Variants in ARHGAP18 observed in about 807,000 individuals in gnomAD.
The protein encoded by ARHGAP18 is rho GTPase-activating protein 18.
Under a neutral mutation model 86.2 loss-of-function variants are expected in ARHGAP18, and 67 were observed. The ratio of observed to expected loss-of-function variants is 0.78; its 90% CI spans 0.64 to 0.95. The LOEUF is 0.95. ARHGAP18 is among the 40% of genes least tolerant of loss of function. The probability of loss-of-function intolerance (pLI) is 0.00; values close to 1 mark genes in which losing one functional copy is unlikely to be tolerated. For synonymous variants in ARHGAP18, 283 were observed against 280.4 expected (o/e 1.01, Z -0.09); for missense variants, 691 against 780.4 (o/e 0.89, Z 1.37).
At chr6:129,608,143 C>A in intron 8 of ARHGAP18, 91 bp from the exon 9 acceptor site, 11 of 1,349,402 alleles carry the variant, frequency 8.2e-6, no homozygotes, top group African/African-American at 3.1e-5. Flanking sequence ...TTTTCACTTT[C>A]AAGAGACTCT....
chr6:129,654,746 T>C (rs1773791553), intron 1 of ARHGAP18, among the ~76,000 whole-genome samples: 1 of 152,174 alleles, frequency 6.6e-6, no homozygotes, highest in East Asian at 1.9e-4. Context: ...TCCTCTACTT[T>C]TCCCATCGCT....
Position 129,578,456 on chromosome 6 carries a change from G to A in ARHGAP18, c.*57C>T. On this transcript the variant is annotated 3_prime_UTR_variant, in exon 15 of 15. Coordinates refer to ENST00000368149, the MANE Select transcript of ARHGAP18 (RefSeq NM_033515.3). Reference sequence around the variant, plus strand: ...TGCCATTTCTTTTATTTACACTCTTGACTCAGCAAGAATTATGACAGAAGT... The same window carrying A: ...TGCCATTTCTTTTATTTACACTCTTAACTCAGCAAGAATTATGACAGAAGT... The A allele has an allele frequency of 1.4e-6, 2 of 1,396,024 alleles. No individual in the cohort carries two copies. Among genetic ancestry groups the A allele is most frequent in the Non-Finnish European group, 1.0e-6 (1 of 992,242 alleles). 86.5% of individuals were successfully genotyped at this position (1,396,024 alleles called of 1,614,324 possible).
intron 1 of ARHGAP18, among the ~76,000 whole-genome samples, chr6:129,652,487 G>A (rs1161592247): frequency 6.6e-6 from 1 of 152,144 alleles, no homozygotes; most frequent in Admixed American, 6.5e-5. Context: ...AGATTCACTA[G>A]TGAAGATTAA....
chr6:129,709,545 A>G (rs916450495), intron 1 of ARHGAP18, among the ~76,000 whole-genome samples: 3 of 152,176 alleles, frequency 2.0e-5, no homozygotes, highest in Non-Finnish European at 2.9e-5. Flanking sequence ...TTTGCCTAAG[A>G]GGTTTGCTTT....
At chr6:129,608,443 T>C (rs929309577) in intron 8 of ARHGAP18, among the ~76,000 whole-genome samples, 2 of 152,172 alleles carry the variant, frequency 1.3e-5, no homozygotes, top group African/African-American at 4.8e-5. Flanking sequence ...GTATATGTTT[T>C]AAATTTAGAA....
chr6:129,670,632 C>G (rs1001432941), intron 1 of ARHGAP18, among the ~76,000 whole-genome samples: 44 of 151,832 alleles, frequency 2.9e-4, no homozygotes, highest in African/African-American at 9.7e-4. Context: ...ATACCACCTA[C>G]TTCGCATCAA....
intron 1 of ARHGAP18, among the ~76,000 whole-genome samples, chr6:129,673,859 A>G (rs1295434898): frequency 2.0e-5 from 3 of 152,176 alleles, no homozygotes; most frequent in African/African-American, 7.2e-5. Context: ...AAGTAGATAT[A>G]TTATCTCAAA....
intron 1 of ARHGAP18, among the ~76,000 whole-genome samples, chr6:129,658,893 C>T (rs1773894316): frequency 1.3e-5 from 2 of 152,120 alleles, no homozygotes; most frequent in South Asian, 4.1e-4. Context: ...TCCGGAGGTG[C>T]TTCAAATATG....
At position 129,677,115 on chromosome 6, in the gene ARHGAP18, G is replaced by A. The variant is rs1774249164; in HGVS notation, c.113+32909C>T. ...AAATAAAAAGTTGCTTATGTTGGCC[G>A]GGCGCGGTGGCTCACGCCTGTAATC... On this transcript the variant is annotated intron_variant, in intron 1 of 14. Transcript: ENST00000368149. 2.0e-5 allele frequency among the ~76,000 whole-genome samples: 3 copies of A among 151,882 alleles called. No homozygotes were observed. The South Asian group carries it at 6.2e-4, about 32-fold the overall frequency.
At chr6:129,583,253 T>A (rs1429271860) in intron 13 of ARHGAP18, among the ~76,000 whole-genome samples, 1 of 152,154 alleles carries the variant, frequency 6.6e-6, no homozygotes, top group African/African-American at 2.4e-5. Flanking sequence ...GGAGGAGGCA[T>A]GAAAACATGA....
At chr6:129,691,691 T>G (rs1378671697) in intron 1 of ARHGAP18, among the ~76,000 whole-genome samples, 8 of 152,184 alleles carry the variant, frequency 5.3e-5, no homozygotes. Flanking sequence ...AGGTGTGAAC[T>G]ACCCAACAAT....
At position 129,703,442 on chromosome 6, in the gene ARHGAP18, C is replaced by A. The variant is rs149365137; in HGVS notation, c.113+6582G>T. 2.4e-3 allele frequency among the ~76,000 whole-genome samples: 365 copies of A among 152,310 alleles called. 2 individuals carry two copies. The highest frequency in any genetic ancestry group is 8.5e-3 in the African/African-American group (352 of 41,578). ...GGCAGCACAGTGCAATCGTACAATGCAGAAGTAATAAATGTGCCGTGGACA... is the reference window on the plus strand; with the variant it reads ...GGCAGCACAGTGCAATCGTACAATGAAGAAGTAATAAATGTGCCGTGGACA... On this transcript the variant is annotated intron_variant, in intron 1 of 14. Coordinates refer to ENST00000368149, the MANE Select transcript of ARHGAP18 (RefSeq NM_033515.3).
chr6:129,709,654 G>A (rs929867008), intron 1 of ARHGAP18, among the ~76,000 whole-genome samples: 4 of 152,248 alleles, frequency 2.6e-5, no homozygotes, highest in African/African-American at 9.6e-5. Flanking sequence ...CCAGCGAACA[G>A]TTCCAGTGGC....
At chr6:129,592,092 G>A (rs1048730302) in intron 12 of ARHGAP18, among the ~76,000 whole-genome samples, 2 of 150,900 alleles carry the variant, frequency 1.3e-5, no homozygotes, top group Non-Finnish European at 2.9e-5. Context: ...AATGACATAA[G>A]TTCTAATATT....
chr6:129,599,533 T>C (rs1380974086), intron 11 of ARHGAP18, among the ~76,000 whole-genome samples, 177 bp from the exon 12 acceptor site: 1 of 152,204 alleles, frequency 6.6e-6, no homozygotes, highest in Non-Finnish European at 1.5e-5. Context: ...CTTCATATTA[T>C]TCACTTACCA....
At chr6:129,629,937 A>G (rs1421715514) in intron 4 of ARHGAP18, among the ~76,000 whole-genome samples, 1 of 152,234 alleles carries the variant, frequency 6.6e-6, no homozygotes, top group Non-Finnish European at 1.5e-5. Flanking sequence ...GTAATTTACC[A>G]TTTAATTAAT....
At chr6:129,601,721 G>A (rs71568955) in intron 10 of ARHGAP18, among the ~76,000 whole-genome samples, 14,818 of 150,638 alleles carry the variant, frequency 0.098, 925 homozygotes, top group Middle Eastern at 0.18. Context: ...CAAACTCCTC[G>A]GCTCAAGTGA....
At chr6:129,697,180 A>C (rs573799066) in intron 1 of ARHGAP18, among the ~76,000 whole-genome samples, 1 of 152,330 alleles carries the variant, frequency 6.6e-6, no homozygotes, top group South Asian at 2.1e-4. Flanking sequence ...CAGGAGGAGA[A>C]ATGCAGGAGA....
At chr6:129,591,924 G>C (rs1283391715) in intron 12 of ARHGAP18, among the ~76,000 whole-genome samples, 1 of 152,134 alleles carries the variant, frequency 6.6e-6, no homozygotes, top group Non-Finnish European at 1.5e-5. Flanking sequence ...CTGGGAAGTG[G>C]TGATATAAAA....
Sources: allele counts gnomAD v4.1 joint callset (sites outside exome capture counted in the v4.1 genomes callset), GRCh38; gene constraint gnomAD v4.1.1; transcripts MANE v1.5; gene names NCBI Gene and HGNC (gene_info 2026-07-23, HGNC 2026-07-21).